Variants in CACNA1C observed in about 807,000 individuals in gnomAD.
CACNA1C encodes calcium voltage-gated channel subunit alpha1 C.
In CACNA1C, 30 loss-of-function variants were observed where a neutral mutation model predicts 229.0. That is an observed-to-expected ratio of 0.13 (90% CI 0.10 to 0.18). The LOEUF is 0.18. Ranked by LOEUF, CACNA1C falls within the 10% of genes least tolerant of loss-of-function variation. The probability of loss-of-function intolerance (pLI) is 1.00; values close to 1 mark genes in which losing one functional copy is unlikely to be tolerated. For missense variants in CACNA1C, 1,658 were observed against 2,845.0 expected (o/e 0.58, Z 9.49); for synonymous variants, 1,114 against 1,132.5 (o/e 0.98, Z 0.33).
intron 5 of CACNA1C, among the ~76,000 whole-genome samples, chr12:2,462,976 G>T (rs891860995): frequency 7.1e-6 from 1 of 140,424 alleles, no homozygotes; most frequent in Non-Finnish European, 1.5e-5. Context: ...GCAGTGGTGT[G>T]ATCTCGGCTC....
intron 3 of CACNA1C, among the ~76,000 whole-genome samples, chr12:2,159,526 A>G (rs1203928981): frequency 5.3e-5 from 8 of 152,108 alleles, no homozygotes; most frequent in Non-Finnish European, 8.8e-5. Context: ...AAATGTATGC[A>G]TAAGAGATAA....
chr12:2,491,972 CT>C (rs2099736110), intron 6 of CACNA1C, among the ~76,000 whole-genome samples: 1 of 148,876 alleles, frequency 6.7e-6, no homozygotes, highest in African/African-American at 2.5e-5. Context: ...TTCTCTCTCT[CT>C]CTCTCTCTCT....
At chr12:2,337,659 T>C (rs1393018581) in intron 3 of CACNA1C, among the ~76,000 whole-genome samples, 2 of 148,844 alleles carry the variant, frequency 1.3e-5, no homozygotes, top group Admixed American at 6.6e-5. Flanking sequence ...AACATTTGTA[T>C]AGCACTCTAC....
intron 34 of CACNA1C, 25 bp downstream of exon 34, chr12:2,655,263 A>T: frequency 1.5e-6 from 2 of 1,346,630 alleles, no homozygotes; most frequent in Non-Finnish European, 2.1e-6. Flanking sequence ...ACATAGGTGC[A>T]CAGATACACA....
chr12:2,422,853 C>T (rs1027428790), intron 3 of CACNA1C, among the ~76,000 whole-genome samples: 2 of 152,162 alleles, frequency 1.3e-5, no homozygotes, highest in Non-Finnish European at 2.9e-5. Context: ...GAGGGAGAGG[C>T]AGCACTCCCT....
In CACNA1C at chr12:1,971,950, G is replaced by T. The variant is rs1450486860; in HGVS notation, c.139+749G>T. Among the ~76,000 whole-genome samples, 1 of 152,174 alleles carries T rather than the reference G, an allele frequency of 6.6e-6. No individual in the cohort carries two copies. Among genetic ancestry groups the T allele is most frequent in the Non-Finnish European group, 1.5e-5 (1 of 68,034 alleles). On this transcript the variant is annotated intron_variant, in intron 1 of 46. Coordinates refer to the CACNA1C transcript ENST00000682462. The surrounding 1 kb of genome is among the most constrained non-coding windows in gnomAD (Gnocchi z 4.2). ...ATGTTTGTGTAAATTTTTAAAAGAA[G>T]ATATATATCCATTCAATTAGGAAGT...
Position 2,677,929 on chromosome 12 carries a change from G to C in CACNA1C, c.5091+62G>C, listed in dbSNP as rs971780712. Reference sequence around the variant, plus strand: ...AGTTCAGTTTGGAGCAAGAGGTTGGGCTGGGGTTTTGCGGGGAACGTCCAG... The same window carrying C: ...AGTTCAGTTTGGAGCAAGAGGTTGGCCTGGGGTTTTGCGGGGAACGTCCAG... On this transcript the variant is annotated intron_variant, in intron 41 of 46. Coordinates refer to ENST00000399655, the MANE Select transcript of CACNA1C (RefSeq NM_000719.7). The surrounding 1 kb of genome is among the most constrained non-coding windows in gnomAD (Gnocchi z 7.4). 2 of 1,594,516 alleles carry C rather than the reference G, an allele frequency of 1.3e-6. No homozygotes were observed. The highest frequency in any genetic ancestry group is 1.3e-5 in the African/African-American group (1 of 74,586).
chr12:2,149,518 C>T (rs2095036808), intron 3 of CACNA1C, among the ~76,000 whole-genome samples: 1 of 152,178 alleles, frequency 6.6e-6, no homozygotes, highest in Non-Finnish European at 1.5e-5. Context: ...AACATTCCCG[C>T]TTTAGGAATG....
At chr12:1,982,892 A>C (rs1302516759) in intron 1 of CACNA1C, among the ~76,000 whole-genome samples, 1 of 152,148 alleles carries the variant, frequency 6.6e-6, no homozygotes, top group Non-Finnish European at 1.5e-5. Context: ...GGTAGAATTC[A>C]CCAGTTAAAC....
rs531318499 is a variant in CACNA1C, at chr12:2,547,930, C to T, written c.1391-2013C>T. 5.3e-5 allele frequency among the ~76,000 whole-genome samples: 8 copies of T among 152,276 alleles called. No homozygotes were observed. In the East Asian group the frequency reaches 1.4e-3, roughly 26 times the overall value. ...ATTTTGTCTGTCTTTCCAGGCCTAG[C>T]ACCACCACCTCCACAGCACTGTACT... is the stretch of plus-strand genomic sequence containing the variant. On this transcript the variant is annotated intron_variant, in intron 9 of 46. Coordinates refer to ENST00000399655, the MANE Select transcript of CACNA1C (RefSeq NM_000719.7).
At chr12:2,401,274 C>A (rs1434251574) in intron 3 of CACNA1C, among the ~76,000 whole-genome samples, 4 of 152,226 alleles carry the variant, frequency 2.6e-5, no homozygotes, top group African/African-American at 7.2e-5. Flanking sequence ...AGGCTGCGCA[C>A]AGAGGAGGCT....
chr12:2,424,473 G>T (rs1274076014), intron 3 of CACNA1C, among the ~76,000 whole-genome samples: 1 of 152,206 alleles, frequency 6.6e-6, no homozygotes, highest in African/African-American at 2.4e-5. Flanking sequence ...TTTCTTGGAT[G>T]TTTGGTGTCT....
At chr12:2,244,809 A>T (rs2072314980) in intron 3 of CACNA1C, among the ~76,000 whole-genome samples, 1 of 152,224 alleles carries the variant, frequency 6.6e-6, no homozygotes, top group African/African-American at 2.4e-5. Context: ...GTTTAATGTT[A>T]ATAAACAGGG....
chr12:2,147,173 C>T (rs2094798537), intron 3 of CACNA1C, among the ~76,000 whole-genome samples: 2 of 151,308 alleles, frequency 1.3e-5, no homozygotes, highest in South Asian at 4.2e-4. Context: ...AGGGGGGGAA[C>T]CTCCAAAATG....
chr12:2,525,962 A>G (rs922613510), intron 9 of CACNA1C, among the ~76,000 whole-genome samples: 3 of 152,354 alleles, frequency 2.0e-5, no homozygotes, highest in Non-Finnish European at 4.4e-5. Context: ...CTGCTCAAAG[A>G]GTTGCCTAAT....
Position 2,585,858 on chromosome 12 carries a change from C to T in CACNA1C, c.2484C>T (p.Pro828=), listed in dbSNP as rs1601162994. 3 of 1,609,114 alleles carry T rather than the reference C, an allele frequency of 1.9e-6. No individual in the cohort carries two copies. In the East Asian group the frequency reaches 6.7e-5, roughly 36 times the overall value. Residue 828 remains proline (P), a synonymous_variant, in exon 18 of 47, where the codon CCC becomes CCT. Coordinates refer to ENST00000399655, the MANE Select transcript of CACNA1C (RefSeq NM_000719.7). This position sits in a 1 kb window ranked among gnomAD's most constrained non-coding sequence, Gnocchi z 4.1. ...AGATCAACATGGATGACCTCCAGCC[C>T]AATGAAAATGAGGATAAGAGCCCCT... The part of the protein sequence containing the change: ...ATKINMDDLQ[P]NENEDKSPYP...
chr12:2,355,320 T>G (rs2097329175), intron 3 of CACNA1C, among the ~76,000 whole-genome samples: 1 of 152,092 alleles, frequency 6.6e-6, no homozygotes, highest in Non-Finnish European at 1.5e-5. Context: ...ACTTCAGCTG[T>G]CCTGTGTCCC....
In CACNA1C at chr12:2,611,358, A is replaced by G. The variant is rs558938849; in HGVS notation, c.3718-545A>G. ...GGATGTGTTCGTTGTTGGTTGATCA[A>G]TGGAGAGGGGAGGAGATGGAGGAGG... is the stretch of plus-strand genomic sequence containing the variant. On this transcript the variant is annotated intron_variant, in intron 28 of 46. Coordinates refer to ENST00000399655, the MANE Select transcript of CACNA1C (RefSeq NM_000719.7). 4.0e-4 allele frequency among the ~76,000 whole-genome samples: 44 copies of G among 110,854 alleles called. 1 individual carries two copies. Among genetic ancestry groups the G allele is most frequent in the African/African-American group, 1.5e-3 (42 of 28,756 alleles). The allele number at this position is 110,854 out of a possible 152,430, so 72.7% of individuals were successfully genotyped here. A position where few individuals can be genotyped will look rare whatever the true frequency, so the allele number is the denominator to read the frequency against.
intron 3 of CACNA1C, among the ~76,000 whole-genome samples, chr12:2,398,602 A>G (rs1595217672): frequency 2.0e-5 from 3 of 152,308 alleles, no homozygotes; most frequent in Admixed American, 1.3e-4. Context: ...AGTTGTCATC[A>G]TTGACTGAGT....
Sources: allele counts gnomAD v4.1 joint callset (sites outside exome capture counted in the v4.1 genomes callset), GRCh38; gene constraint gnomAD v4.1.1; non-coding constraint Gnocchi (gnomAD v3.1); transcripts MANE v1.5; gene names NCBI Gene and HGNC (gene_info 2026-07-23, HGNC 2026-07-21).